ESR2: variants seen among roughly 807,000 people sequenced by gnomAD.
ESR2 encodes estrogen receptor beta.
ESR2 carries 36 observed loss-of-function variants against 49.6 expected under a neutral mutation model. That is an observed-to-expected ratio of 0.73 (90% CI 0.56 to 0.96). The LOEUF (loss-of-function observed/expected upper bound fraction) is 0.96, where lower values mean the gene tolerates loss of function less well. ESR2 is among the 40% of genes least tolerant of loss of function. The pLI, the probability that ESR2 is intolerant of heterozygous loss-of-function variation, is 0.00. For missense variants in ESR2, 714 were observed against 693.0 expected, an observed-to-expected ratio of 1.03 and a Z score of -0.34; for synonymous variants, 320 against 266.1, an observed-to-expected ratio of 1.20 and a Z score of -1.97.
At chr14:64,334,321 T>C (rs771969638) in intron 1 of ESR2, among the ~76,000 whole-genome samples, 9 of 152,214 alleles carry the variant, frequency 5.9e-5, no homozygotes, top group East Asian at 1.9e-4. Context: ...GAGACACTGA[T>C]TGACTGAGGA....
rs2098726977 is a variant in ESR2 at position 64,231,261 on chromosome 14, A to G, written c.*1876T>C. The G allele has an allele frequency of 6.6e-6, 1 of 152,166 alleles. No homozygotes were observed. The allele number at this position is 152,166 out of a possible 1,614,324, so 9.4% of individuals were successfully genotyped here. Reference sequence around the variant, plus strand: ...TTTAATAGAATTTCACTGGCAGATAATGAGTTGCTGAAGGCTGCCTTCTTT... The same window carrying G: ...TTTAATAGAATTTCACTGGCAGATAGTGAGTTGCTGAAGGCTGCCTTCTTT... On this transcript the variant is annotated 3_prime_UTR_variant, in exon 9 of 9. Coordinates refer to ENST00000341099, the MANE Select transcript of ESR2 (RefSeq NM_001437.3).
In ESR2 at chr14:64,229,254, C is replaced by T. The variant is rs969707998; in HGVS notation, c.*3883G>A. 1.3e-5 allele frequency among the ~76,000 whole-genome samples: 2 copies of T among 152,148 alleles called. No homozygotes were observed. Among genetic ancestry groups the T allele is most frequent in the African/African-American group, 2.4e-5 (1 of 41,424 alleles). ...GACAACCCTAACTTCACCGCCCCTCCATTCTGCTGCGACTCAGCTCACAAA... is the reference window on the plus strand; with the variant it reads ...GACAACCCTAACTTCACCGCCCCTCTATTCTGCTGCGACTCAGCTCACAAA... On this transcript the variant is annotated 3_prime_UTR_variant, in exon 9 of 9. Coordinates refer to ENST00000341099, the MANE Select transcript of ESR2 (RefSeq NM_001437.3).
intron 3 of ESR2, among the ~76,000 whole-genome samples, chr14:64,275,936 A>G (rs2076549953): frequency 6.6e-6 from 1 of 152,210 alleles, no homozygotes; most frequent in Non-Finnish European, 1.5e-5. Context: ...TGAAAAATGA[A>G]TGGATTTATT....
intron 1 of ESR2, among the ~76,000 whole-genome samples, chr14:64,283,701 TTG>T (rs1204391686): frequency 7.5e-6 from 1 of 133,970 alleles, no homozygotes; most frequent in Non-Finnish European, 1.5e-5. Flanking sequence ...TGAGCAGAGA[TTG>T]TGCCACCGCG....
At chr14:64,238,182 AC>A (rs1323857827) in intron 7 of ESR2, among the ~76,000 whole-genome samples, 1 of 152,166 alleles carries the variant, frequency 6.6e-6, no homozygotes, top group African/African-American at 2.4e-5. Context: ...TCATTGTGTT[AC>A]CCACTTCACG....
intron 1 of ESR2, among the ~76,000 whole-genome samples, chr14:64,293,677 C>T (rs2076907750): frequency 6.6e-6 from 1 of 152,246 alleles, no homozygotes; most frequent in African/African-American, 2.4e-5. Context: ...ACGTGTACAT[C>T]TTCCCAGGCC....
chr14:64,242,759 A>G (rs1567735603), intron 7 of ESR2, among the ~76,000 whole-genome samples: 1 of 152,162 alleles, frequency 6.6e-6, no homozygotes, highest in African/African-American at 2.4e-5. Flanking sequence ...ATGCTGTTCA[A>G]TTTTCTGTAA....
chr14:64,241,437 G>T (rs1307917979), intron 7 of ESR2, among the ~76,000 whole-genome samples: 3 of 152,118 alleles, frequency 2.0e-5, no homozygotes, highest in African/African-American at 4.8e-5. Flanking sequence ...ACTATTCTAT[G>T]TCCATTGCAT....
downstream of ESR2, chr14:64,228,080 G>C (rs775976428): frequency 3.3e-5 from 45 of 1,356,930 alleles, no homozygotes; most frequent in Non-Finnish European, 4.2e-5. Context: ...TGTGAGATTA[G>C]CTGACTAAAG....
chr14:64,228,067 A>T (rs1223165655), downstream of ESR2: 3 of 1,383,394 alleles, frequency 2.2e-6, no homozygotes, highest in East Asian at 8.4e-5. Flanking sequence ...AATCAATCAC[A>T]AGTGTGAGAT....
chr14:64,315,438 T>C (rs1010155237), intron 1 of ESR2, among the ~76,000 whole-genome samples: 1 of 151,884 alleles, frequency 6.6e-6, no homozygotes, highest in Non-Finnish European at 1.5e-5. Flanking sequence ...ACTACTACAA[T>C]CATCCAATAT....
chr14:64,243,130 C>CA (rs1283836499), intron 7 of ESR2, among the ~76,000 whole-genome samples: 1 of 152,196 alleles, frequency 6.6e-6, no homozygotes, highest in Non-Finnish European at 1.5e-5. Context: ...GACACAGAGC[C>CA]AAACCATATC....
chr14:64,234,507 T>C (rs17101734), intron 8 of ESR2: 2,703 of 175,674 alleles, frequency 0.015, 87 homozygotes, highest in African/African-American at 0.061. Context: ...GTCTTATCCT[T>C]AATTTCCTGA....
chr14:64,297,659 G>C (rs1186981665), upstream of ESR2: 1 of 152,160 alleles, frequency 6.6e-6, no homozygotes, highest in Non-Finnish European at 1.5e-5. Flanking sequence ...CCTTTGACTT[G>C]GAAAGATCAG....
chr14:64,246,831 A>C (rs2075871228), intron 7 of ESR2, among the ~76,000 whole-genome samples: 1 of 149,042 alleles, frequency 6.7e-6, no homozygotes, highest in Admixed American at 6.7e-5. Flanking sequence ...CTGGGCCCTC[A>C]TGTTATTCTG....
At position 64,229,622 on chromosome 14, in the gene ESR2, CTGTT is replaced by C. The variant is rs988130395; in HGVS notation, c.*3511_*3514del. ...AAATATTTTTCTTTAAATTTTTAAA[CTGTT>C]TGAAGTGCATGGTCACTGTCAGCAC... On this transcript the variant is annotated 3_prime_UTR_variant, in exon 9 of 9. Coordinates refer to ENST00000341099, the MANE Select transcript of ESR2 (RefSeq NM_001437.3). Among the ~76,000 whole-genome samples the C allele has an allele frequency of 1.3e-5, 2 of 152,174 alleles. No individual in the cohort carries two copies. Among genetic ancestry groups the C allele is most frequent in the African/African-American group, 4.8e-5 (2 of 41,446 alleles).
rs146551961 is a variant in ESR2 at position 64,271,710 on chromosome 14, T to C, written c.536-2799A>G. Among the ~76,000 whole-genome samples the C allele has an allele frequency of 1.0e-3, 158 of 152,368 alleles. 1 individual carries two copies. In the East Asian group the frequency reaches 0.014, roughly 14 times the overall value. On this transcript the variant is annotated intron_variant, in intron 3 of 8. Coordinates refer to ENST00000341099, the MANE Select transcript of ESR2 (RefSeq NM_001437.3). ...TATTTCACTTAACATGACCTCCAGT[T>C]GCATCTGTGTTGTTGCAAGTGACAG...
At chr14:64,306,572 T>C (rs2140875004) in intron 1 of ESR2, among the ~76,000 whole-genome samples, 1 of 152,384 alleles carries the variant, frequency 6.6e-6, no homozygotes, top group South Asian at 2.1e-4. Context: ...TTTATGTTAA[T>C]GTAGTGAATT....
chr14:64,235,074 G>A lies in ESR2; in HGVS notation c.1302C>T (p.Thr434=), dbSNP rs368248753. The A allele has an allele frequency of 6.0e-5, 97 of 1,614,064 alleles. 2 individuals are homozygous for A. The highest frequency in any genetic ancestry group is 3.5e-4 in the Admixed American group (21 of 60,008). Residue 434 remains threonine, a synonymous_variant, in exon 8 of 9, where the codon ACC becomes ACT. Coordinates refer to ENST00000341099, the MANE Select transcript of ESR2 (RefSeq NM_001437.3). ...RKLAHLLNAV[T]DALVWVIAKS... ...TGGCAATCACCCAAACCAAAGCATC[G>A]GTCACGGCGTTCAGCAAGTGAGCCA...
Sources: allele counts gnomAD v4.1 joint callset (sites outside exome capture counted in the v4.1 genomes callset), GRCh38; gene constraint gnomAD v4.1.1; transcripts MANE v1.5; gene names NCBI Gene and HGNC (gene_info 2026-07-23, HGNC 2026-07-21).